SHISA9: variants seen among roughly 807,000 people sequenced by gnomAD.
SHISA9 encodes shisa family member 9.
In SHISA9, 13 loss-of-function variants were observed where a neutral mutation model predicts 38.0. The observed-to-expected ratio is 0.34, with a 90% CI of 0.22 to 0.54. The LOEUF (loss-of-function observed/expected upper bound fraction) is 0.54, where lower values mean the gene tolerates loss of function less well. Ranked by LOEUF, SHISA9 falls within the 20% of genes least tolerant of loss-of-function variation. SHISA9 has a pLI of 0.91. For synonymous variants in SHISA9, 275 were observed against 242.0 expected (o/e 1.14, Z -1.27); for missense variants, 538 against 575.8 (o/e 0.93, Z 0.67).
intron 2 of SHISA9, among the ~76,000 whole-genome samples, chr16:13,140,894 A>G (rs1192100948): frequency 6.6e-6 from 1 of 152,176 alleles, no homozygotes. Flanking sequence ...CATGTCTGGC[A>G]CAACTGTGGG....
chr16:13,523,008 A>G, the SHISA9 span, among the ~76,000 whole-genome samples: 1 of 152,274 alleles, frequency 6.6e-6, no homozygotes, highest in East Asian at 1.9e-4. Context: ...CTGGGTATCA[A>G]GGGTTCTTGT....
chr16:13,337,369 A>G, the SHISA9 span, among the ~76,000 whole-genome samples: 6 of 152,182 alleles, frequency 3.9e-5, no homozygotes, highest in African/African-American at 1.4e-4. Flanking sequence ...TTCTTCTCTC[A>G]TCTGCTGCCG....
At chr16:13,248,297 C>A in the SHISA9 span, among the ~76,000 whole-genome samples, 1 of 152,274 alleles carries the variant, frequency 6.6e-6, no homozygotes, top group Non-Finnish European at 1.5e-5. Context: ...AGAGCATCTA[C>A]GATGTGCCAG....
At chr16:13,297,250 C>T in the SHISA9 span, among the ~76,000 whole-genome samples, 2 of 152,216 alleles carry the variant, frequency 1.3e-5, no homozygotes, top group African/African-American at 4.8e-5. Context: ...TTTTGTTCAT[C>T]ATTCTTTTGT....
intron 2 of SHISA9, among the ~76,000 whole-genome samples, chr16:13,163,704 A>G (rs2050613902): frequency 2.6e-5 from 4 of 152,082 alleles, no homozygotes; most frequent in Admixed American, 2.6e-4. Context: ...CAGGCCTTGC[A>G]CATCTTTTGT....
At chr16:13,069,191 T>C (rs2073477354) in intron 2 of SHISA9, among the ~76,000 whole-genome samples, 1 of 152,176 alleles carries the variant, frequency 6.6e-6, no homozygotes. Context: ...TGTATATGTG[T>C]ATACATGTGT....
At chr16:13,374,158 AT>A in the SHISA9 span, among the ~76,000 whole-genome samples, 6,273 of 145,852 alleles carry the variant, frequency 0.043, 283 homozygotes, top group African/African-American at 0.11. Flanking sequence ...TTGTTTTTGT[AT>A]TTTTTTTTCT....
At chr16:13,154,549 C>T (rs1037205941) in intron 2 of SHISA9, among the ~76,000 whole-genome samples, 1 of 152,176 alleles carries the variant, frequency 6.6e-6, no homozygotes, top group Non-Finnish European at 1.5e-5. Flanking sequence ...TGGCATGGAA[C>T]AGAGACCCCA....
At chr16:13,292,885 T>A in the SHISA9 span, among the ~76,000 whole-genome samples, 10 of 152,208 alleles carry the variant, frequency 6.6e-5, no homozygotes, top group Non-Finnish European at 1.5e-4. Context: ...AGTCATCTTT[T>A]GGAAATAAAG....
At chr16:13,289,853 G>A in the SHISA9 span, among the ~76,000 whole-genome samples, 3 of 152,092 alleles carry the variant, frequency 2.0e-5, no homozygotes, top group African/African-American at 4.8e-5. Context: ...ATTCTCTTTT[G>A]CCTAAGCTAG....
At chr16:13,367,908 T>A in the SHISA9 span, among the ~76,000 whole-genome samples, 9 of 151,992 alleles carry the variant, frequency 5.9e-5, no homozygotes, top group East Asian at 1.9e-4. Flanking sequence ...AATTTTATTT[T>A]ATTTATTATT....
intron 2 of SHISA9, among the ~76,000 whole-genome samples, chr16:13,053,846 A>G (rs190037387): frequency 6.6e-6 from 1 of 152,304 alleles, no homozygotes; most frequent in East Asian, 1.9e-4. Flanking sequence ...CTTGGTGAAC[A>G]TGTCACCTGA....
chr16:13,030,732 T>G (rs1305729367), intron 2 of SHISA9, among the ~76,000 whole-genome samples: 1 of 152,172 alleles, frequency 6.6e-6, no homozygotes, highest in African/African-American at 2.4e-5. Flanking sequence ...CTTTAAGGCT[T>G]TGATGAATAA....
the SHISA9 span, among the ~76,000 whole-genome samples, chr16:13,536,555 A>G: frequency 2.0e-5 from 3 of 152,232 alleles, no homozygotes; most frequent in Non-Finnish European, 4.4e-5. Context: ...AAGAACTGTG[A>G]ACACACAAAG....
At chr16:13,083,104 G>A (rs2073671394) in intron 2 of SHISA9, among the ~76,000 whole-genome samples, 1 of 152,198 alleles carries the variant, frequency 6.6e-6, no homozygotes, top group South Asian at 2.1e-4. Context: ...GTGGATAGAG[G>A]GGAGGGGCAG....
chr16:13,030,445 C>A (rs2072977266), intron 2 of SHISA9, among the ~76,000 whole-genome samples: 1 of 152,154 alleles, frequency 6.6e-6, no homozygotes, highest in African/African-American at 2.4e-5. Flanking sequence ...GCCCAGTTGC[C>A]CACTGCAGTA....
At chr16:13,118,920 C>A (rs1821916) in intron 2 of SHISA9, among the ~76,000 whole-genome samples, 1 of 151,808 alleles carries the variant, frequency 6.6e-6, no homozygotes, top group East Asian at 1.9e-4. Context: ...TTAGTAGAGA[C>A]GGGGTTTCTC....
the SHISA9 span, among the ~76,000 whole-genome samples, chr16:13,390,811 C>A: frequency 1.3e-5 from 2 of 152,150 alleles, no homozygotes; most frequent in Admixed American, 1.3e-4. Context: ...ATTTCATGGG[C>A]TGATGAAAAG....
chr16:13,070,162 G>A (rs1259744971), intron 2 of SHISA9, among the ~76,000 whole-genome samples: 1 of 151,004 alleles, frequency 6.6e-6, no homozygotes, highest in Non-Finnish European at 1.5e-5. Context: ...GTGCACGCAT[G>A]TGTCTGTGGA....
Sources: allele counts gnomAD v4.1 joint callset (sites outside exome capture counted in the v4.1 genomes callset), GRCh38; gene constraint gnomAD v4.1.1; transcripts MANE v1.5; gene names NCBI Gene and HGNC (gene_info 2026-07-23, HGNC 2026-07-21).